BTG1: variants seen among roughly 807,000 people sequenced by gnomAD.
BTG1 encodes the protein protein BTG1.
BTG1 carries 2 observed loss-of-function variants against 15.2 expected under a neutral mutation model. The observed-to-expected ratio is 0.13, with a 90% CI of 0.05 to 0.41. The LOEUF is 0.41. Among genes scored for constraint, BTG1 ranks in the 10% least tolerant of loss-of-function variants. The pLI is 0.99. For synonymous variants in BTG1, 109 were observed against 82.4 expected, an observed-to-expected ratio of 1.32 and a Z score of -1.75; for missense variants, 149 against 215.0, an observed-to-expected ratio of 0.69 and a Z score of 1.92.
chr12:92,144,565 T>C (rs1447273083), intron 1 of BTG1, 118 bp from the exon 2 acceptor site: 1 of 1,339,574 alleles, frequency 7.5e-7, no homozygotes, highest in South Asian at 1.3e-5. Flanking sequence ...CTTTTTAAAA[T>C]GTCCAGGATT....
rs709223 is a variant in BTG1, at chr12:92,145,568, T to C, written c.-33A>G. The C allele has an allele frequency of 0.83, 1,123,102 of 1,361,160 alleles. 464,887 individuals carry two copies. Among genetic ancestry groups the C allele is most frequent in the African/African-American group, 0.97 (64,361 of 66,688 alleles). 84.3% of individuals were successfully genotyped at this position (1,361,160 alleles called of 1,614,324 possible). A position where few individuals can be genotyped will look rare whatever the true frequency, so the allele number is the denominator to read the frequency against. ...GCGTGCGGGGGCGGCCCGGGGCGGC[T>C]GGGGCTCGGCGGCGCGGCCCCGACG... On this transcript the variant is annotated 5_prime_UTR_variant, in exon 1 of 2. Transcript: ENST00000256015.
At chr12:92,144,861 C>G (rs1318774123) in intron 1 of BTG1, among the ~76,000 whole-genome samples, 1 of 152,224 alleles carries the variant, frequency 6.6e-6, no homozygotes, top group African/African-American at 2.4e-5. Flanking sequence ...ACAAGCAACC[C>G]TAAACCACGC....
Position 92,145,528 on chromosome 12 carries a change from G to A in BTG1, c.8C>T (p.Pro3Leu), listed in dbSNP as rs1023262121. The A allele has an allele frequency of 6.6e-6, 10 of 1,513,616 alleles. No homozygotes were observed. Among genetic ancestry groups the A allele is most frequent in the South Asian group, 1.3e-5 (1 of 78,190 alleles). The allele number at this position is 1,513,616 out of a possible 1,614,324, so 93.8% of individuals were successfully genotyped here. A position where few individuals can be genotyped will look rare whatever the true frequency, so the allele number is the denominator to read the frequency against. Reference sequence around the variant, plus strand: ...CATGGTGGCGGCCCGGGTGTAGAAGGGATGCATGGGGGCGGCGTGCGGGGG... The same window carrying A: ...CATGGTGGCGGCCCGGGTGTAGAAGAGATGCATGGGGGCGGCGTGCGGGGG... MH[P>L]FYTRAATMIG... The change falls in exon 1 of 2, where the codon CCC (proline) becomes CTC (leucine). Residue 3 changes from proline to leucine, a missense_variant. By Grantham distance (98) the Pro-to-Leu change is moderately conservative (BLOSUM62 -3). Around this residue, in one of 3 missense-constraint regions of BTG1, gnomAD observed 63 missense variants for 60.8 expected, o/e 1.04. Coordinates refer to ENST00000256015, the MANE Select transcript of BTG1 (RefSeq NM_001731.3).
intron 1 of BTG1, chr12:92,144,931 G>C (rs1392119118): frequency 1.0e-5 from 2 of 199,422 alleles, no homozygotes; most frequent in African/African-American, 2.4e-5. Flanking sequence ...GCAGGGGCAG[G>C]AGGCGCGGGG....
At position 92,140,629 on chromosome 12, in the gene BTG1, A is replaced by G. The variant is rs1336939334; in HGVS notation, c.*3451T>C. 1 of 232,100 alleles carries G rather than the reference A, an allele frequency of 4.3e-6. No individual in the cohort carries two copies. Among genetic ancestry groups the G allele is most frequent in the Non-Finnish European group, 8.5e-6 (1 of 117,396 alleles). The allele number at this position is 232,100 out of a possible 1,614,324, so 14.4% of individuals were successfully genotyped here. ...AGCAGCTGGGTCGGCTGGTATTACA[A>G]ACTATCTTACTGTAAAAGATTTTGT... On this transcript the variant is annotated 3_prime_UTR_variant, in exon 2 of 2. Transcript: ENST00000256015.
In BTG1 at chr12:92,140,539, A is replaced by T. The variant is rs1870138749; in HGVS notation, c.*3541T>A. The T allele has an allele frequency of 4.3e-6, 1 of 231,094 alleles. No homozygotes were observed. Among genetic ancestry groups the T allele is most frequent in the Admixed American group, 5.6e-5 (1 of 17,720 alleles). 14.3% of individuals were successfully genotyped at this position (231,094 alleles called of 1,614,324 possible). A position where few individuals can be genotyped will look rare whatever the true frequency, so the allele number is the denominator to read the frequency against. On this transcript the variant is annotated 3_prime_UTR_variant, in exon 2 of 2. Transcript: ENST00000256015. ...ATCTATAGGCATAACCAGAAATCAG[A>T]TCTCATAATGTACAGATTTCTCTAT...
chr12:92,145,514 C>T lies in BTG1; in HGVS notation c.22G>A (p.Ala8Thr). The change falls in exon 1 of 2, where the codon GCC (alanine) becomes ACC (threonine). Residue 8 changes from alanine to threonine, a missense_variant. Around this residue, in one of 3 missense-constraint regions of BTG1, gnomAD observed 63 missense variants for 60.8 expected, o/e 1.04. Transcript: ENST00000256015. ...GCGATCTCGCCTATCATGGTGGCGG[C>T]CCGGGTGTAGAAGGGATGCATGGGG... MHPFYTRAATMIGEIAAA... is the reference protein window; with the variant it reads MHPFYTRTATMIGEIAAA... 1 of 1,576,498 alleles carries T rather than the reference C, an allele frequency of 6.3e-7. No homozygotes were observed. Among genetic ancestry groups the T allele is most frequent in the Non-Finnish European group, 8.6e-7 (1 of 1,163,086 alleles).
Position 92,141,890 on chromosome 12 carries a change from G to C in BTG1, c.*2190C>G, listed in dbSNP as rs1870251671. ...AAAACAACTTTCCATTTGAAAAAAG[G>C]CTTTATGATAAAAAAAAAAAATGGT... On this transcript the variant is annotated 3_prime_UTR_variant, in exon 2 of 2. Transcript: ENST00000256015. The C allele has an allele frequency of 2.2e-5, 5 of 231,542 alleles. No individual in the cohort carries two copies. Among genetic ancestry groups the C allele is most frequent in the Non-Finnish European group, 3.4e-5 (4 of 117,432 alleles). The allele number at this position is 231,542 out of a possible 1,614,324, so 14.3% of individuals were successfully genotyped here.
In BTG1 at chr12:92,141,841, A is replaced by G; in HGVS notation, c.*2239T>C. On this transcript the variant is annotated 3_prime_UTR_variant, in exon 2 of 2. Coordinates refer to ENST00000256015, the MANE Select transcript of BTG1 (RefSeq NM_001731.3). The stretch of plus-strand genomic sequence containing the variant: ...TGTTTCCATCATTTTCAAAGATTGA[A>G]AAAGTCTGATGTCAAGATCTTCAAA... 4.3e-6 allele frequency: 1 copy of G among 232,698 alleles called. No individual in the cohort carries two copies. The highest frequency in any genetic ancestry group is 2.2e-5 in the African/African-American group (1 of 45,430). The allele number at this position is 232,698 out of a possible 1,614,324, so 14.4% of individuals were successfully genotyped here. A position where few individuals can be genotyped will look rare whatever the true frequency, so the allele number is the denominator to read the frequency against.
Position 92,141,330 on chromosome 12 carries a change from A to T in BTG1, c.*2750T>A. On this transcript the variant is annotated 3_prime_UTR_variant, in exon 2 of 2. Coordinates refer to ENST00000256015, the MANE Select transcript of BTG1 (RefSeq NM_001731.3). ...TAAAGACATGAGATTCCCATTCCAG[A>T]TGACAAAGATAACAGCCGCATTATC... 4.3e-6 allele frequency: 1 copy of T among 232,726 alleles called. No individual in the cohort carries two copies. Among genetic ancestry groups the T allele is most frequent in the Non-Finnish European group, 8.5e-6 (1 of 117,702 alleles). 14.4% of individuals were successfully genotyped at this position (232,726 alleles called of 1,614,324 possible).
In BTG1 at chr12:92,145,428, C is replaced by T. The variant is rs533912735; in HGVS notation, c.108G>A (p.Gln36=). ...GCAGGCTCTGGCTGAAGGTCTGCAG[C>T]TGTCGCTCGCTCGTGAGCCCCTTGG... ...LRTKGLTSER[Q]LQTFSQSLQE... is the part of the protein sequence containing the mutation. The change falls in exon 1 of 2, where the codon CAG becomes CAA. Residue 36 remains glutamine, a synonymous_variant. Transcript: ENST00000256015. 1.9e-6 allele frequency: 3 copies of T among 1,592,338 alleles called. No homozygotes were observed. The highest frequency in any genetic ancestry group is 1.4e-5 in the African/African-American group (1 of 71,928).
chr12:92,141,837 T>C lies in BTG1; in HGVS notation c.*2243A>G, dbSNP rs1870247562. On this transcript the variant is annotated 3_prime_UTR_variant, in exon 2 of 2. Transcript: ENST00000256015. ...TAACTGTTTCCATCATTTTCAAAGA[T>C]TGAAAAAGTCTGATGTCAAGATCTT... 4.3e-6 allele frequency: 1 copy of C among 232,430 alleles called. No homozygotes were observed. 14.4% of individuals were successfully genotyped at this position (232,430 alleles called of 1,614,324 possible). A position where few individuals can be genotyped will look rare whatever the true frequency, so the allele number is the denominator to read the frequency against.
chr12:92,145,612 GC>G lies in BTG1; in HGVS notation c.-78del. The G allele has an allele frequency of 9.3e-7, 1 of 1,079,386 alleles. No individual in the cohort carries two copies. The highest frequency in any genetic ancestry group is 1.2e-6 in the Non-Finnish European group (1 of 837,474). The allele number at this position is 1,079,386 out of a possible 1,614,324, so 66.9% of individuals were successfully genotyped here. A position where few individuals can be genotyped will look rare whatever the true frequency, so the allele number is the denominator to read the frequency against. ...CCCGACGGCGGAGCAGCCACCCCGG[GC>G]TTCCTCACCGGGCGGAAGGCTGAGA... On this transcript the variant is annotated 5_prime_UTR_variant, in exon 1 of 2. Transcript: ENST00000256015.
At chr12:92,145,174 G>T in intron 1 of BTG1, 2 of 614,322 alleles carry the variant, frequency 3.3e-6, no homozygotes, top group Non-Finnish European at 4.8e-6. Context: ...TCTCCGTTTT[G>T]CCAGCTGGGG....
In BTG1 at chr12:92,141,216, A is replaced by C. The variant is rs1487595706; in HGVS notation, c.*2864T>G. The C allele has an allele frequency of 8.6e-6, 2 of 232,542 alleles. No individual in the cohort carries two copies. Among genetic ancestry groups the C allele is most frequent in the Non-Finnish European group, 1.7e-5 (2 of 117,680 alleles). 14.4% of individuals were successfully genotyped at this position (232,542 alleles called of 1,614,324 possible). A position where few individuals can be genotyped will look rare whatever the true frequency, so the allele number is the denominator to read the frequency against. ...TACTTGCAATGTGTGAGTTATAATG[A>C]CTTAAGGAAACTATTTGTGCAATGT... On this transcript the variant is annotated 3_prime_UTR_variant, in exon 2 of 2. Coordinates refer to ENST00000256015, the MANE Select transcript of BTG1 (RefSeq NM_001731.3).
In BTG1 at chr12:92,140,981, T is replaced by G. The variant is rs1352850225; in HGVS notation, c.*3099A>C. 2 of 232,622 alleles carry G rather than the reference T, an allele frequency of 8.6e-6. No homozygotes were observed. The highest frequency in any genetic ancestry group is 2.2e-5 in the African/African-American group (1 of 45,310). 14.4% of individuals were successfully genotyped at this position (232,622 alleles called of 1,614,324 possible). A position where few individuals can be genotyped will look rare whatever the true frequency, so the allele number is the denominator to read the frequency against. ...AAAGTACAACTTCAGTTATCATACC[T>G]CTCTTCTGTAAAGAGGAAGAAGAGA... On this transcript the variant is annotated 3_prime_UTR_variant, in exon 2 of 2. Coordinates refer to ENST00000256015, the MANE Select transcript of BTG1 (RefSeq NM_001731.3).
Position 92,142,787 on chromosome 12 carries a change from G to A in BTG1, c.*1293C>T. On this transcript the variant is annotated 3_prime_UTR_variant, in exon 2 of 2. Transcript: ENST00000256015. ...GCAAAGTAATTGTTTTTCAAAGGTG[G>A]GTCAGAATGGAACATTTATATCTTC... 4.3e-6 allele frequency: 1 copy of A among 232,924 alleles called. No individual in the cohort carries two copies. 14.4% of individuals were successfully genotyped at this position (232,924 alleles called of 1,614,324 possible). A position where few individuals can be genotyped will look rare whatever the true frequency, so the allele number is the denominator to read the frequency against.
At position 92,144,104 on chromosome 12, in the gene BTG1, G is replaced by A. The variant is rs1424726994; in HGVS notation, c.492C>T (p.Tyr164=). ...CTTAACCTGATACAGTCATCATATT[G>A]TAGTTTTTGGAAGGGCTCGTTCTGC... ...LLGRTSPSKN[Y]NMMTVSG Residue 164 remains tyrosine (Y), a synonymous_variant, in exon 2 of 2, where the codon TAC becomes TAT. Transcript: ENST00000256015. 2 of 1,612,724 alleles carry A rather than the reference G, an allele frequency of 1.2e-6. No individual in the cohort carries two copies. The highest frequency in any genetic ancestry group is 1.3e-5 in the African/African-American group (1 of 74,890).
chr12:92,144,168 A>T lies in BTG1; in HGVS notation c.428T>A (p.Val143Glu). Residue 143 changes from valine to glutamate, a missense_variant, in exon 2 of 2, where the codon GTA becomes GAA. By Grantham distance (121) the Val-to-Glu change is moderately radical (BLOSUM62 -2). Coordinates refer to ENST00000256015, the MANE Select transcript of BTG1 (RefSeq NM_001731.3). ...STQNSTNVQM[V>E]DSRISCKEEL... ...CTCCTTACAGCTGATTCGGCTGTCT[A>T]CCATTTGCACGTTGGTGCTGTTTTG... 6.2e-7 allele frequency: 1 copy of T among 1,614,150 alleles called. No homozygotes were observed. The highest frequency in any genetic ancestry group is 1.3e-5 in the African/African-American group (1 of 75,048).
Sources: gnomAD v4.1 joint callset for allele counts (sites outside exome capture counted in the v4.1 genomes callset) on GRCh38, gnomAD v4.1.1 for gene constraint, gnomAD v4.1.1 regional missense constraint, MANE v1.5 for transcripts, NCBI Gene and HGNC (gene_info 2026-07-23, HGNC 2026-07-21) for gene names.